Variants in LY75 observed in about 807,000 individuals in gnomAD.
The protein encoded by LY75 is C-type lectin domain family 13 member B.
Under a neutral mutation model 231.7 loss-of-function variants are expected in LY75, and 185 were observed. That is an observed-to-expected ratio of 0.80 (90% CI 0.71 to 0.90). The LOEUF is 0.90. Among genes scored for constraint, LY75 ranks in the 40% least tolerant of loss-of-function variants. LY75 has a pLI of 0.00. For synonymous variants in LY75, 668 were observed against 689.0 expected, an observed-to-expected ratio of 0.97 and a Z score of 0.48; for missense variants, 1,947 against 2,050.2, an observed-to-expected ratio of 0.95 and a Z score of 0.97.
chr2:159,828,147 A>G (rs1683536344), intron 28 of LY75, among the ~76,000 whole-genome samples: 1 of 151,834 alleles, frequency 6.6e-6, no homozygotes, highest in African/African-American at 2.4e-5. Flanking sequence ...TTGTGGCATA[A>G]GTAAAGTCAT....
In LY75 at chr2:159,864,958, C is replaced by T. The variant is rs766785300; in HGVS notation, c.2118-38G>A. 8 of 1,558,842 alleles carry T rather than the reference C, an allele frequency of 5.1e-6. No homozygotes were observed. The South Asian group carries it at 7.4e-5, about 14-fold the overall frequency. ...CAAGTGTTAAAAATACAGGACAATGCTTGGCAAAAATATTTAGCACTCACA... is the reference window on the plus strand; with the variant it reads ...CAAGTGTTAAAAATACAGGACAATGTTTGGCAAAAATATTTAGCACTCACA... On this transcript the variant is annotated intron_variant, in intron 13 of 34. Coordinates refer to ENST00000263636, the MANE Select transcript of LY75 (RefSeq NM_002349.4).
At chr2:159,866,530 A>C (rs759584530) in intron 13 of LY75, among the ~76,000 whole-genome samples, 10 of 152,108 alleles carry the variant, frequency 6.6e-5, no homozygotes, top group Non-Finnish European at 1.5e-4. Flanking sequence ...ATCCAGTTTA[A>C]ATTTAGTAGC....
chr2:159,863,997 C>T (rs1684787644), intron 14 of LY75, among the ~76,000 whole-genome samples: 1 of 152,128 alleles, frequency 6.6e-6, no homozygotes, highest in Non-Finnish European at 1.5e-5. Flanking sequence ...AGATGTGTAG[C>T]CTATGTGTGA....
intron 2 of LY75, among the ~76,000 whole-genome samples, chr2:159,894,601 G>GT (rs1215830908): frequency 5.3e-5 from 8 of 152,210 alleles, no homozygotes; most frequent in African/African-American, 1.9e-4. Context: ...TAGTCCCATT[G>GT]TTCAGAGACT....
chr2:159,822,504 G>A (rs966364597), intron 28 of LY75, among the ~76,000 whole-genome samples: 11 of 152,312 alleles, frequency 7.2e-5, no homozygotes, highest in Non-Finnish European at 1.6e-4. Context: ...TCTGGGCAGG[G>A]CATCTCTGAA....
At chr2:159,892,052 G>A (rs1685774562) in intron 3 of LY75, among the ~76,000 whole-genome samples, 1 of 152,186 alleles carries the variant, frequency 6.6e-6, no homozygotes, top group African/African-American at 2.4e-5. Context: ...AATCCTCCAA[G>A]TGTGGTTCCC....
chr2:159,885,397 T>A, intron 5 of LY75, 104 bp from the exon 6 acceptor site: 1 of 1,437,316 alleles, frequency 7.0e-7, no homozygotes, highest in Non-Finnish European at 9.3e-7. Context: ...TTATGGGAAC[T>A]CATATTATAG....
At chr2:159,842,115 G>C in intron 24 of LY75, 130 bp downstream of exon 24, 1 of 1,132,514 alleles carries the variant, frequency 8.8e-7, no homozygotes. Context: ...CAGGTGGTAA[G>C]CATACTACCC....
intron 13 of LY75, among the ~76,000 whole-genome samples, chr2:159,865,502 G>A (rs1684831721): frequency 1.3e-5 from 2 of 151,992 alleles, no homozygotes; most frequent in African/African-American, 4.8e-5. Flanking sequence ...CATTGAGCTA[G>A]GTGCAATGAT....
chr2:159,832,909 T>C (rs960176744), intron 27 of LY75, among the ~76,000 whole-genome samples: 1 of 152,234 alleles, frequency 6.6e-6, no homozygotes, highest in African/African-American at 2.4e-5. Flanking sequence ...AACAGTTCCA[T>C]CATTTGGAAG....
At position 159,826,638 on chromosome 2, in the gene LY75, C is replaced by T. The variant is rs146621268; in HGVS notation, c.3958+5032G>A. On this transcript the variant is annotated intron_variant, in intron 28 of 34. Transcript: ENST00000263636. The stretch of plus-strand genomic sequence containing the variant: ...CTTCATATGGAACCAAAAAAGAGCC[C>T]GGATAGCCAAGACAATCCTGGACAA... 3.2e-3 allele frequency among the ~76,000 whole-genome samples: 481 copies of T among 152,160 alleles called. 5 individuals carry two copies. Among genetic ancestry groups the T allele is most frequent in the African/African-American group, 0.011 (443 of 41,504 alleles).
chr2:159,861,782 A>T (rs1684709336), intron 14 of LY75, among the ~76,000 whole-genome samples: 1 of 152,118 alleles, frequency 6.6e-6, no homozygotes, highest in African/African-American at 2.4e-5. Flanking sequence ...TTTTTGTATA[A>T]CTCTTCCATA....
At chr2:159,859,573 A>C (rs753611345) in intron 15 of LY75, among the ~76,000 whole-genome samples, 3 of 152,240 alleles carry the variant, frequency 2.0e-5, no homozygotes, top group Non-Finnish European at 2.9e-5. Flanking sequence ...GATTCAAAAT[A>C]TCTGAACTAA....
At chr2:159,866,142 C>T (rs143979151) in intron 13 of LY75, among the ~76,000 whole-genome samples, 544 of 152,004 alleles carry the variant, frequency 3.6e-3, no homozygotes, top group Non-Finnish European at 6.2e-3. Flanking sequence ...GGGGTAGATT[C>T]CAAATCTAAA....
intron 34 of LY75, among the ~76,000 whole-genome samples, chr2:159,805,560 T>G (rs986243505): frequency 5.3e-5 from 8 of 152,244 alleles, no homozygotes; most frequent in African/African-American, 1.9e-4. Flanking sequence ...TATATTATCC[T>G]ACTTTGATAG....
At chr2:159,845,178 T>C (rs1453073958) in intron 23 of LY75, among the ~76,000 whole-genome samples, 2 of 152,174 alleles carry the variant, frequency 1.3e-5, no homozygotes, top group African/African-American at 4.8e-5. Flanking sequence ...ATCAAATTCA[T>C]GAATTGGAAG....
chr2:159,886,916 T>G (rs1193951321), intron 4 of LY75, among the ~76,000 whole-genome samples: 1 of 152,054 alleles, frequency 6.6e-6, no homozygotes, highest in Non-Finnish European at 1.5e-5. Context: ...TATTCTAGAC[T>G]GACAATTTAA....
chr2:159,845,232 C>A (rs1485243600), intron 23 of LY75, among the ~76,000 whole-genome samples: 1 of 152,024 alleles, frequency 6.6e-6, no homozygotes, highest in Admixed American at 6.6e-5. Context: ...TAGTCAAATT[C>A]TCATCAAGAG....
chr2:159,814,689 A>T (rs546979080), intron 31 of LY75, among the ~76,000 whole-genome samples: 1 of 151,128 alleles, frequency 6.6e-6, no homozygotes, highest in Admixed American at 6.6e-5. Context: ...ATAAGAAAAG[A>T]AAAAAGAAAA....
Sources: allele counts gnomAD v4.1 joint callset (sites outside exome capture counted in the v4.1 genomes callset), GRCh38; gene constraint gnomAD v4.1.1; transcripts MANE v1.5; gene names NCBI Gene and HGNC (gene_info 2026-07-23, HGNC 2026-07-21).